Variants in TICRR observed in about 807,000 individuals in gnomAD.
TICRR encodes the protein treslin.
A neutral mutation model predicts 178.1 loss-of-function variants in TICRR; 132 were observed. The observed-to-expected ratio is 0.74, with a 90% CI of 0.64 to 0.86. The LOEUF (loss-of-function observed/expected upper bound fraction) is 0.86, where lower values mean the gene tolerates loss of function less well. Among genes scored for constraint, TICRR ranks in the 40% least tolerant of loss-of-function variants. The pLI is 0.00. For missense variants in TICRR, 2,587 were observed against 2,334.3 expected (o/e 1.11, Z -2.23); for synonymous variants, 991 against 900.7 (o/e 1.10, Z -1.79).
At chr15:89,609,971 A>G (rs1055078982) in intron 15 of TICRR, among the ~76,000 whole-genome samples, 2 of 152,096 alleles carry the variant, frequency 1.3e-5, no homozygotes, top group African/African-American at 4.8e-5. Context: ...AATATTTTCT[A>G]ATTTCCCTTG....
rs1377414685 is a variant in TICRR, at chr15:89,626,957, T to G, written c.5604T>G (p.Asp1868Glu). The change falls in exon 22 of 22, where the codon GAT (aspartate) becomes GAG (glutamate). Residue 1868 changes from aspartate (D) to glutamate (E), a missense_variant and splice_region_variant. Asp to Glu is a conservative substitution (Grantham distance 45). Transcript: ENST00000268138. ...CTAAGCCTTTCTACCTTCTTCTAGA[T>G]GAGGATGTGGATGTTCTTCCCTCCA... Reference protein sequence around the residue: ...TPSSQSKDPRDEDVDVLPSTV... With the variant: ...TPSSQSKDPREEDVDVLPSTV... 1.2e-6 allele frequency: 2 copies of G among 1,613,848 alleles called. No homozygotes were observed. Among genetic ancestry groups the G allele is most frequent in the East Asian group, 2.2e-5 (1 of 44,876 alleles).
chr15:89,585,440 G>A (rs974685918), intron 3 of TICRR, among the ~76,000 whole-genome samples: 1 of 152,086 alleles, frequency 6.6e-6, no homozygotes, highest in Non-Finnish European at 1.5e-5. Flanking sequence ...TTTTACCTCA[G>A]GGCGATTGTG....
chr15:89,593,452 C>G (rs1042482732), intron 5 of TICRR, among the ~76,000 whole-genome samples: 1 of 152,212 alleles, frequency 6.6e-6, no homozygotes, highest in Admixed American at 6.5e-5. Context: ...CACCCGTAAC[C>G]CCAGTACTTT....
chr15:89,616,387 G>C lies in TICRR; in HGVS notation c.2870-18G>C, dbSNP rs1385832117. On this transcript the variant is annotated intron_variant, in intron 15 of 21. Coordinates refer to ENST00000268138, the MANE Select transcript of TICRR (RefSeq NM_152259.4). Reference sequence around the variant, plus strand: ...AGGTTAAATGAAATTTATGATTTAAGCTGTGTTTACATTTTAGGTTATCAC... The same window carrying C: ...AGGTTAAATGAAATTTATGATTTAACCTGTGTTTACATTTTAGGTTATCAC... 6.2e-7 allele frequency: 1 copy of C among 1,607,702 alleles called. No individual in the cohort carries two copies. Among genetic ancestry groups the C allele is most frequent in the South Asian group, 1.1e-5 (1 of 90,898 alleles).
Position 89,625,222 on chromosome 15 carries a change from AG to A in TICRR, c.4917del (p.Gln1640LysfsTer42). The A allele has an allele frequency of 2.5e-6, 4 of 1,613,674 alleles. No individual in the cohort carries two copies. Among genetic ancestry groups the A allele is most frequent in the Non-Finnish European group, 3.4e-6 (4 of 1,179,782 alleles). On this transcript the variant is annotated frameshift_variant, in exon 20 of 22. Coordinates refer to ENST00000268138, the MANE Select transcript of TICRR (RefSeq NM_152259.4). LOFTEE classifies it high-confidence loss of function. Reference sequence around the variant, plus strand: ...CTCCCACAGCACACCTGGCAAGAGCAGGGGGCAAACCTACATCTGCCAGGCC... The same window carrying A: ...CTCCCACAGCACACCTGGCAAGAGCAGGGGCAAACCTACATCTGCCAGGCC... ...RLSHSTPGKS[R>X]GQTYICQACT...
chr15:89,589,741 C>A (rs1452130276), intron 4 of TICRR, among the ~76,000 whole-genome samples: 1 of 152,112 alleles, frequency 6.6e-6, no homozygotes, highest in African/African-American at 2.4e-5. Flanking sequence ...TTAAAAAATT[C>A]TACAAAATCT....
rs1472462609 is a variant in TICRR, at chr15:89,609,109, T to C, written c.2869+160T>C. On this transcript the variant is annotated intron_variant, in intron 15 of 21. Transcript: ENST00000268138. ...TGTCAATTTTGTTAATCTTTTTTTT[T>C]TTTTTTTTTTTTTTTTTTTGAGACA... The C allele has an allele frequency of 3.8e-5, 17 of 450,498 alleles. 1 individual carries two copies. The East Asian group carries it at 7.7e-4, about 20-fold the overall frequency. 27.9% of individuals were successfully genotyped at this position (450,498 alleles called of 1,614,324 possible).
intron 15 of TICRR, among the ~76,000 whole-genome samples, chr15:89,613,914 G>A (rs1473017483): frequency 6.6e-6 from 1 of 151,972 alleles, no homozygotes; most frequent in Non-Finnish European, 1.5e-5. Context: ...CAGCACTTTG[G>A]GAGGCCAAGG....
At chr15:89,602,127 C>A (rs1963108903) in intron 12 of TICRR, 151 bp downstream of exon 12, 2 of 853,726 alleles carry the variant, frequency 2.3e-6, no homozygotes, top group Non-Finnish European at 3.5e-6. Context: ...ACTATTAGAG[C>A]TCCTAATAGG....
Position 89,582,852 on chromosome 15 carries a change from C to T in TICRR, c.821C>T (p.Pro274Leu), listed in dbSNP as rs370507188. 28 of 1,614,058 alleles carry T rather than the reference C, an allele frequency of 1.7e-5. No individual in the cohort carries two copies. Among genetic ancestry groups the T allele is most frequent in the African/African-American group, 4.0e-5 (3 of 74,924 alleles). ...IKLSSEPHLS[P>L]WISMLPTDAT... is the part of the protein sequence containing the mutation. ...CTGTCAAGTGAACCTCATCTTTCTC[C>T]GTGGATTTCAATGCTGCCAACTGAT... The change falls in exon 2 of 22, where the codon CCG (proline) becomes CTG (leucine). Residue 274 changes from proline (P) to leucine (L), a missense_variant. By Grantham distance (98) the Pro-to-Leu change is moderately conservative. Transcript: ENST00000268138.
At chr15:89,602,750 A>T in intron 12 of TICRR, 46 bp from the exon 13 acceptor site, 1 of 943,130 alleles carries the variant, frequency 1.1e-6, no homozygotes. Context: ...ATTTAACTAT[A>T]TATAACCTCT....
chr15:89,622,764 C>CCAGG (rs776768411), intron 19 of TICRR, among the ~76,000 whole-genome samples: 7 of 152,208 alleles, frequency 4.6e-5, no homozygotes, highest in Non-Finnish European at 1.0e-4. Context: ...CTTTTCACTT[C>CCAGG]CAGGCCTTTG....
At position 89,623,888 on chromosome 15, in the gene TICRR, C is replaced by T; in HGVS notation, c.3578C>T (p.Pro1193Leu). The change falls in exon 20 of 22, where the codon CCA becomes CTA. Residue 1193 changes from proline to leucine, a missense_variant. Physicochemically the swap from Pro to Leu is moderately conservative, Grantham distance 98. Transcript: ENST00000268138. ...GEGTSLETKTPRTPKRQGTQP... is the reference protein window; with the variant it reads ...GEGTSLETKTLRTPKRQGTQP... The stretch of plus-strand genomic sequence containing the variant: ...GGTACCTCTCTTGAAACGAAGACAC[C>T]AAGAACTCCTAAGAGGCAAGGTACT... The T allele has an allele frequency of 1.9e-6, 3 of 1,613,958 alleles. No homozygotes were observed. Among genetic ancestry groups the T allele is most frequent in the Non-Finnish European group, 8.5e-7 (1 of 1,180,008 alleles).
chr15:89,613,167 A>T (rs1376695185), intron 15 of TICRR, among the ~76,000 whole-genome samples: 1 of 151,950 alleles, frequency 6.6e-6, no homozygotes, highest in Non-Finnish European at 1.5e-5. Context: ...GAATGTGATG[A>T]TTTCTCCTCA....
intron 16 of TICRR, among the ~76,000 whole-genome samples, chr15:89,616,929 G>A (rs1963344888): frequency 6.6e-6 from 1 of 152,168 alleles, no homozygotes; most frequent in Admixed American, 6.5e-5. Flanking sequence ...TGTCTTGCTT[G>A]GCTGACCCTT....
In TICRR at chr15:89,585,904, A is replaced by C. The variant is rs777664042; in HGVS notation, c.1373A>C (p.Asn458Thr). Residue 458 changes from asparagine to threonine, a missense_variant, in exon 4 of 22, where the codon AAT becomes ACT. Coordinates refer to ENST00000268138, the MANE Select transcript of TICRR (RefSeq NM_152259.4). ...TCAGATGTTGTGGATAGTATATTGA[A>C]TCAGACTCATGATTCGCTTGCAGAT... is the stretch of plus-strand genomic sequence containing the variant. ...LFSDVVDSIL[N>T]QTHDSLADTA... The C allele has an allele frequency of 2.5e-6, 4 of 1,614,074 alleles. No individual in the cohort carries two copies. The South Asian group carries it at 4.4e-5, about 18-fold the overall frequency.
chr15:89,579,846 C>A (rs1962692549), intron 1 of TICRR: 1 of 152,224 alleles, frequency 6.6e-6, no homozygotes, highest in African/African-American at 2.4e-5. Flanking sequence ...AAAGTACAAC[C>A]CCCTGGCCTT....
rs893017916 is a variant in TICRR at position 89,586,005 on chromosome 15, G to A, written c.1411+63G>A. ...GGTTTGCAGTCTTTTCAAGCATCGGGACTTTTTCACTGTGCAGTTAGTAGA... is the reference window on the plus strand; with the variant it reads ...GGTTTGCAGTCTTTTCAAGCATCGGAACTTTTTCACTGTGCAGTTAGTAGA... On this transcript the variant is annotated intron_variant, in intron 4 of 21. Coordinates refer to ENST00000268138, the MANE Select transcript of TICRR (RefSeq NM_152259.4). 2.8e-5 allele frequency: 36 copies of A among 1,307,592 alleles called. No individual in the cohort carries two copies. The Admixed American group carries it at 5.7e-4, about 21-fold the overall frequency. 81.0% of individuals were successfully genotyped at this position (1,307,592 alleles called of 1,614,324 possible).
chr15:89,620,134 T>C (rs1963400939), intron 18 of TICRR, among the ~76,000 whole-genome samples: 2 of 152,220 alleles, frequency 1.3e-5, no homozygotes, highest in African/African-American at 4.8e-5. Flanking sequence ...ATCATTATCT[T>C]AGGTGGAAGG....
Sources: allele counts gnomAD v4.1 joint callset (sites outside exome capture counted in the v4.1 genomes callset), GRCh38; gene constraint gnomAD v4.1.1; transcripts MANE v1.5; gene names NCBI Gene and HGNC (gene_info 2026-07-23, HGNC 2026-07-21).